The following FAM185A variants were observed in gnomAD, a reference collection of about 807,000 sequenced individuals.
FAM185A encodes the protein family with sequence similarity 185 member A.
In FAM185A, 21 loss-of-function variants were observed where a neutral mutation model predicts 45.7. The ratio of observed to expected loss-of-function variants is 0.46; its 90% confidence interval spans 0.33 to 0.66. The LOEUF (loss-of-function observed/expected upper bound fraction) is 0.66. Ranked by LOEUF, FAM185A falls within the 30% of genes least tolerant of loss-of-function variation. The pLI is 0.03. For missense variants in FAM185A, 305 were observed against 485.4 expected (o/e 0.63, Z 3.49); for synonymous variants, 117 against 194.0 (o/e 0.60, Z 3.30).
At chr7:102,764,287 T>G (rs1794261236) in intron 4 of FAM185A, among the ~76,000 whole-genome samples, 1 of 149,138 alleles carries the variant, frequency 6.7e-6, no homozygotes, top group Admixed American at 6.6e-5. Flanking sequence ...GTGCCTCGAC[T>G]TTTAAAAAAT....
intron 7 of FAM185A, 150 bp from the exon 8 acceptor site, chr7:102,808,140 A>T: frequency 1.6e-6 from 1 of 609,154 alleles, no homozygotes; most frequent in Non-Finnish European, 2.9e-6. Context: ...GCAAGCCCAG[A>T]TAACCTCTTT....
At chr7:102,779,046 G>T (rs980929941) in intron 6 of FAM185A, among the ~76,000 whole-genome samples, 1 of 152,198 alleles carries the variant, frequency 6.6e-6, no homozygotes, top group Non-Finnish European at 1.5e-5. Context: ...TTGGGCCTGG[G>T]AGTCACACCT....
intron 6 of FAM185A, among the ~76,000 whole-genome samples, chr7:102,782,122 C>T (rs987797351): frequency 2.0e-4 from 30 of 151,918 alleles, no homozygotes; most frequent in Admixed American, 1.4e-3. Context: ...AAGAAATGAA[C>T]AAAACCTCCA....
At chr7:102,773,487 TG>T (rs1794876630) in intron 5 of FAM185A, among the ~76,000 whole-genome samples, 1 of 152,158 alleles carries the variant, frequency 6.6e-6, no homozygotes, top group African/African-American at 2.4e-5. Flanking sequence ...TCTAATTTTT[TG>T]GCAACTGTAA....
rs560770948 is a variant in FAM185A, at chr7:102,784,061, C to T, written c.932-3274C>T. ...TCAGAGAATACTATAAACACCTCTACGGAAATAAACTAGAAAATCTAGAAG... is the reference window on the plus strand; with the variant it reads ...TCAGAGAATACTATAAACACCTCTATGGAAATAAACTAGAAAATCTAGAAG... On this transcript the variant is annotated intron_variant, in intron 6 of 7. Transcript: ENST00000413034. 4.8e-3 allele frequency among the ~76,000 whole-genome samples: 724 copies of T among 152,124 alleles called. 2 individuals carry two copies. The highest frequency in any genetic ancestry group is 7.1e-3 in the Non-Finnish European group (485 of 68,004).
chr7:102,835,507 C>T, the FAM185A span, among the ~76,000 whole-genome samples: 1 of 151,536 alleles, frequency 6.6e-6, no homozygotes, highest in Non-Finnish European at 1.5e-5. Flanking sequence ...TCAGTACATA[C>T]TAGTTGGTTC....
chr7:102,800,383 A>G (rs1387582354), intron 7 of FAM185A, among the ~76,000 whole-genome samples: 4 of 152,210 alleles, frequency 2.6e-5, no homozygotes, highest in African/African-American at 9.6e-5. Flanking sequence ...CAATGGATCC[A>G]AACCAAGAAG....
At chr7:102,762,117 A>T (rs1002142450) in intron 4 of FAM185A, among the ~76,000 whole-genome samples, 51 of 152,334 alleles carry the variant, frequency 3.3e-4, no homozygotes, top group African/African-American at 1.2e-3. Flanking sequence ...GGTGGAAGGT[A>T]ATTATAGCAA....
chr7:102,784,852 G>T (rs1349239462), intron 6 of FAM185A, among the ~76,000 whole-genome samples: 3 of 152,176 alleles, frequency 2.0e-5, no homozygotes, highest in African/African-American at 7.2e-5. Context: ...GCAGGAGAAA[G>T]AAATAAAGGG....
At chr7:102,820,762 CATG>C in the FAM185A span, among the ~76,000 whole-genome samples, 2 of 152,234 alleles carry the variant, frequency 1.3e-5, no homozygotes, top group Admixed American at 1.3e-4. Context: ...AACCCACTCC[CATG>C]ATAACTAACT....
Position 102,749,092 on chromosome 7 carries a change from C to T in FAM185A, c.-116C>T, listed in dbSNP as rs1274595365. ...ACCGGCTCGCTCTTGTTTCAGCAAA[C>T]CCTGACTTACGTCTCCTATTTGACT... is the stretch of plus-strand genomic sequence containing the variant. On this transcript the variant is annotated 5_prime_UTR_variant, in exon 1 of 8. Coordinates refer to ENST00000413034, the MANE Select transcript of FAM185A (RefSeq NM_001145268.2). 2 of 1,439,784 alleles carry T rather than the reference C, an allele frequency of 1.4e-6. No individual in the cohort carries two copies. Among genetic ancestry groups the T allele is most frequent in the African/African-American group, 1.4e-5 (1 of 71,064 alleles). The allele number at this position is 1,439,784 out of a possible 1,614,324, so 89.2% of individuals were successfully genotyped here.
chr7:102,833,572 G>A, the FAM185A span, among the ~76,000 whole-genome samples: 8 of 150,248 alleles, frequency 5.3e-5, no homozygotes, highest in Admixed American at 2.0e-4. Flanking sequence ...GACTACAGGC[G>A]TGCACCACCA....
chr7:102,842,191 A>G, the FAM185A span, among the ~76,000 whole-genome samples: 1 of 152,216 alleles, frequency 6.6e-6, no homozygotes, highest in African/African-American at 2.4e-5. Flanking sequence ...CTGCTGCAAC[A>G]AAGGCCAATG....
intron 2 of FAM185A, chr7:102,755,104 T>C (rs1256337515): frequency 7.7e-6 from 3 of 389,928 alleles, no homozygotes; most frequent in Non-Finnish European, 1.4e-5. Context: ...GGTTAAGAGT[T>C]CTTGACTTAA....
At chr7:102,836,253 A>G in the FAM185A span, among the ~76,000 whole-genome samples, 1 of 152,256 alleles carries the variant, frequency 6.6e-6, no homozygotes, top group Admixed American at 6.5e-5. Context: ...ATTCTCATCC[A>G]TGGAAAATCT....
chr7:102,771,450 A>C (rs1370187173), intron 4 of FAM185A, among the ~76,000 whole-genome samples: 1 of 152,200 alleles, frequency 6.6e-6, no homozygotes, highest in Non-Finnish European at 1.5e-5. Context: ...ACTCACAAGA[A>C]ATATGATGGT....
chr7:102,778,951 T>A (rs1341244921), intron 6 of FAM185A, among the ~76,000 whole-genome samples: 1 of 152,256 alleles, frequency 6.6e-6, no homozygotes, highest in African/African-American at 2.4e-5. Context: ...CAACATTTTC[T>A]GATGTGGAAA....
At chr7:102,822,097 T>C in the FAM185A span, 1 of 1,614,220 alleles carries the variant, frequency 6.2e-7, no homozygotes, top group Admixed American at 1.7e-5. Context: ...GCAGCCTATC[T>C]GAAGGTCCTC....
intron 3 of FAM185A, 29 bp from the exon 4 acceptor site, chr7:102,761,244 A>G: frequency 6.6e-7 from 1 of 1,509,396 alleles, no homozygotes; most frequent in Non-Finnish European, 8.8e-7. Flanking sequence ...TTTGTTTTAT[A>G]ATGAACTGAT....
Sources: gnomAD v4.1 joint callset for allele counts (sites outside exome capture counted in the v4.1 genomes callset) on GRCh38, gnomAD v4.1.1 for gene constraint, MANE v1.5 for transcripts, NCBI Gene and HGNC (gene_info 2026-07-23, HGNC 2026-07-21) for gene names.